PCSK5: variants seen among roughly 807,000 people sequenced by gnomAD.
The protein encoded by PCSK5 is proprotein convertase subtilisin/kexin type 5.
In PCSK5, 129 loss-of-function variants were observed where a neutral mutation model predicts 233.2. The ratio of observed to expected loss-of-function variants is 0.55; its 90% confidence interval spans 0.48 to 0.64. The LOEUF (loss-of-function observed/expected upper bound fraction) is 0.64, where lower values mean the gene tolerates loss of function less well. PCSK5 is among the 30% of genes least tolerant of loss of function. PCSK5 has a pLI of 0.00. For missense variants in PCSK5, 2,076 were observed against 2,430.1 expected, an observed-to-expected ratio of 0.85 and a Z score of 3.06; for synonymous variants, 825 against 879.2, an observed-to-expected ratio of 0.94 and a Z score of 1.09.
At chr9:76,015,903 C>T (rs945601740) in intron 3 of PCSK5, among the ~76,000 whole-genome samples, 1 of 152,196 alleles carries the variant, frequency 6.6e-6, no homozygotes. Flanking sequence ...CATCTCCCAC[C>T]TCACCTTTTG....
intron 2 of PCSK5, among the ~76,000 whole-genome samples, chr9:75,951,802 G>A (rs1406208436): frequency 1.3e-5 from 2 of 152,038 alleles, no homozygotes; most frequent in Non-Finnish European, 2.9e-5. Flanking sequence ...ACTATTTACA[G>A]GGCATTTACA....
At chr9:76,164,427 A>G (rs1296889182) in intron 12 of PCSK5, among the ~76,000 whole-genome samples, 1 of 152,226 alleles carries the variant, frequency 6.6e-6, no homozygotes, top group Admixed American at 6.5e-5. Flanking sequence ...ACACGTATTA[A>G]GATCACGTAC....
intron 2 of PCSK5, among the ~76,000 whole-genome samples, chr9:75,977,800 TGG>T (rs1826093789): frequency 6.6e-6 from 1 of 151,542 alleles, no homozygotes; most frequent in Non-Finnish European, 1.5e-5. Context: ...TTAGTAGAGA[TGG>T]GGTTTTGCCA....
Position 75,956,158 on chromosome 9 carries a change from G to A in PCSK5, c.297+23675G>A, listed in dbSNP as rs768449607. On this transcript the variant is annotated intron_variant, in intron 2 of 37. Coordinates refer to ENST00000674117, the MANE Select transcript of PCSK5 (RefSeq NM_001372043.1). ...AGCCATCTTTAATTAATATGATCAA[G>A]TCTATTGGAATTGCCCTGTTTGTTA... Among the ~76,000 whole-genome samples, 36 of 152,136 alleles carry A rather than the reference G, an allele frequency of 2.4e-4. 1 individual carries two copies. The highest frequency in any genetic ancestry group is 1.2e-4 in the Non-Finnish European group (8 of 68,020).
intron 30 of PCSK5, among the ~76,000 whole-genome samples, chr9:76,320,290 C>G (rs1829153971): frequency 6.6e-6 from 1 of 151,620 alleles, no homozygotes; most frequent in Non-Finnish European, 1.5e-5. Context: ...ATTAGCCAGG[C>G]ATGGTGGCAC....
At chr9:76,200,093 TCTCC>T (rs1824859459) in intron 20 of PCSK5, among the ~76,000 whole-genome samples, 3 of 149,990 alleles carry the variant, frequency 2.0e-5, no homozygotes, top group Admixed American at 7.3e-5. Context: ...GACTTCTCCC[TCTCC>T]TCTCCTATTT....
intron 24 of PCSK5, among the ~76,000 whole-genome samples, chr9:76,263,849 T>C (rs1464823231): frequency 6.6e-6 from 1 of 151,746 alleles, no homozygotes; most frequent in Non-Finnish European, 1.5e-5. Context: ...TGCTCATGGA[T>C]TGGAAGAATC....
In PCSK5 at chr9:76,101,867, G is replaced by A. The variant is rs112023969; in HGVS notation, c.1108-5384G>A. ...ATATTCTGCTCCTCTTCTACCACCC[G>A]ATTCATTTTTCAAATGCATTCACCA... On this transcript the variant is annotated intron_variant, in intron 8 of 37. Coordinates refer to ENST00000674117, the MANE Select transcript of PCSK5 (RefSeq NM_001372043.1). 1.2e-3 allele frequency among the ~76,000 whole-genome samples: 179 copies of A among 152,126 alleles called. 2 individuals are homozygous for A. Among genetic ancestry groups the A allele is most frequent in the African/African-American group, 3.8e-3 (156 of 41,490 alleles).
intron 20 of PCSK5, among the ~76,000 whole-genome samples, chr9:76,221,093 C>A (rs902250374): frequency 6.6e-6 from 1 of 152,160 alleles, no homozygotes; most frequent in East Asian, 1.9e-4. Flanking sequence ...TACAGCCTAA[C>A]GGGCAAAACA....
At chr9:75,912,015 TC>T (rs1822761010) in intron 1 of PCSK5, among the ~76,000 whole-genome samples, 2 of 151,656 alleles carry the variant, frequency 1.3e-5, no homozygotes. Context: ...TTTCTAATAA[TC>T]AAATGAATAA....
chr9:76,353,032 T>A (rs557710781), intron 36 of PCSK5, among the ~76,000 whole-genome samples: 2 of 144,494 alleles, frequency 1.4e-5, no homozygotes, highest in African/African-American at 5.2e-5. Flanking sequence ...AAAAAAAAAA[T>A]TATATGAGTG....
At chr9:76,158,886 C>T in intron 11 of PCSK5, 97 bp from the exon 12 acceptor site, 1 of 1,002,716 alleles carries the variant, frequency 1.0e-6, no homozygotes, top group South Asian at 1.6e-5. Flanking sequence ...CTATCAGCTG[C>T]TTATCTTACA....
At chr9:76,044,365 A>G (rs1052751574) in intron 5 of PCSK5, among the ~76,000 whole-genome samples, 2 of 152,238 alleles carry the variant, frequency 1.3e-5, no homozygotes, top group Non-Finnish European at 2.9e-5. Flanking sequence ...AGTAAATGTG[A>G]TGATATTTTT....
At chr9:76,324,824 T>C (rs1587330432) in intron 32 of PCSK5, among the ~76,000 whole-genome samples, 1 of 152,106 alleles carries the variant, frequency 6.6e-6, no homozygotes, top group Non-Finnish European at 1.5e-5. Context: ...TGAGGCAGCC[T>C]GAGGTCCTTC....
At chr9:75,940,266 A>G (rs770403351) in intron 2 of PCSK5, among the ~76,000 whole-genome samples, 10 of 152,208 alleles carry the variant, frequency 6.6e-5, no homozygotes, top group Admixed American at 5.2e-4. Flanking sequence ...ATACACTCTT[A>G]AATCCATTTC....
In PCSK5 at chr9:76,346,011, C is replaced by T. The variant is rs150366016; in HGVS notation, c.4967-4817C>T. ...CTGGGATTACAGGCGTGGACCACCA[C>T]GCCTGGCCAAAGTCTTACATTTAAA... On this transcript the variant is annotated intron_variant, in intron 35 of 37. Coordinates refer to ENST00000674117, the MANE Select transcript of PCSK5 (RefSeq NM_001372043.1). 5.9e-5 allele frequency among the ~76,000 whole-genome samples: 9 copies of T among 152,340 alleles called. No homozygotes were observed. The South Asian group carries it at 6.2e-4, about 11-fold the overall frequency.
intron 9 of PCSK5, among the ~76,000 whole-genome samples, chr9:76,127,283 G>T (rs1027142278): frequency 6.6e-6 from 1 of 152,122 alleles, no homozygotes; most frequent in Non-Finnish European, 1.5e-5. Flanking sequence ...TGGCAATTTG[G>T]CTAGGCAAAT....
At chr9:76,070,706 T>C (rs1376443327) in intron 6 of PCSK5, among the ~76,000 whole-genome samples, 1 of 152,192 alleles carries the variant, frequency 6.6e-6, no homozygotes, top group Non-Finnish European at 1.5e-5. Context: ...ACATAGTTCC[T>C]TCAATAATAT....
At chr9:76,208,155 G>A (rs979008675) in intron 20 of PCSK5, among the ~76,000 whole-genome samples, 6 of 152,054 alleles carry the variant, frequency 3.9e-5, no homozygotes, top group African/African-American at 1.4e-4. Context: ...CCTCTTAAAG[G>A]TCTCTCCTCT....
Sources: allele counts gnomAD v4.1 joint callset (sites outside exome capture counted in the v4.1 genomes callset), GRCh38; gene constraint gnomAD v4.1.1; transcripts MANE v1.5; gene names NCBI Gene and HGNC (gene_info 2026-07-23, HGNC 2026-07-21).